ZCCHC7: variants seen among roughly 807,000 people sequenced by gnomAD.
ZCCHC7 encodes the protein zinc finger CCHC domain-containing protein 7.
ZCCHC7 carries 35 observed loss-of-function variants against 52.0 expected under a neutral mutation model. That is an observed-to-expected ratio of 0.67 (90% CI 0.51 to 0.89). ZCCHC7 has a LOEUF of 0.89. Ranked by LOEUF, ZCCHC7 falls within the 40% of genes least tolerant of loss-of-function variation. The pLI, the probability that ZCCHC7 is intolerant of heterozygous loss-of-function variation, is 0.00. For missense variants in ZCCHC7, 574 were observed against 649.1 expected, an observed-to-expected ratio of 0.88 and a Z score of 1.26; for synonymous variants, 217 against 221.5, an observed-to-expected ratio of 0.98 and a Z score of 0.18.
chr9:37,221,795 G>T (rs1176829805), intron 2 of ZCCHC7, among the ~76,000 whole-genome samples: 3 of 152,046 alleles, frequency 2.0e-5, no homozygotes, highest in African/African-American at 7.2e-5. Context: ...TGATCTTAGT[G>T]GATTTTTTAA....
chr9:37,155,635 T>C (rs1820776328), intron 2 of ZCCHC7, among the ~76,000 whole-genome samples: 1 of 152,248 alleles, frequency 6.6e-6, no homozygotes, highest in Non-Finnish European at 1.5e-5. Context: ...ATTGGTGTTC[T>C]GAGAAATTGA....
At chr9:37,317,236 G>A (rs1425295305) in intron 5 of ZCCHC7, among the ~76,000 whole-genome samples, 1 of 152,156 alleles carries the variant, frequency 6.6e-6, no homozygotes, top group African/African-American at 2.4e-5. Flanking sequence ...ACTAAATGCT[G>A]AAAAGTAATG....
chr9:37,222,376 TG>T (rs1588505624), intron 2 of ZCCHC7, among the ~76,000 whole-genome samples: 4 of 139,448 alleles, frequency 2.9e-5, no homozygotes, highest in South Asian at 2.3e-4. Flanking sequence ...TGTGTGTGTG[TG>T]TTTTCAAGTA....
rs143091748 is a variant in ZCCHC7, at chr9:37,318,410, G to A, written c.952-9389G>A. On this transcript the variant is annotated intron_variant, in intron 5 of 8. Coordinates refer to ENST00000336755, the MANE Select transcript of ZCCHC7 (RefSeq NM_032226.3). ...TGGGAGGCAGAGGTTGCAGTGAGCC[G>A]CGATTGCACCATTGCACTCTAGCCT... Among the ~76,000 whole-genome samples, 972 of 151,540 alleles carry A rather than the reference G, an allele frequency of 6.4e-3. 4 individuals carry two copies. Among genetic ancestry groups the A allele is most frequent in the African/African-American group, 0.022 (897 of 41,262 alleles).
chr9:37,327,807 A>T lies in ZCCHC7; in HGVS notation c.960A>T (p.Thr320=). The T allele has an allele frequency of 2.5e-6, 4 of 1,613,188 alleles. No individual in the cohort carries two copies. The highest frequency in any genetic ancestry group is 3.4e-6 in the Non-Finnish European group (4 of 1,179,356). The part of the protein sequence containing the change: ...HMLGHYTDAC[T]EIWRQYHLTT... ...ATATTTTTATTTTCCAGGCTTGCAC[A>T]GAAATCTGGAGGCAGTATCACCTAA... Residue 320 remains threonine, a synonymous_variant, in exon 6 of 9, where the codon ACA becomes ACT. Transcript: ENST00000336755.
At chr9:37,138,891 T>G (rs1843105042) in intron 2 of ZCCHC7, among the ~76,000 whole-genome samples, 1 of 151,954 alleles carries the variant, frequency 6.6e-6, no homozygotes, top group Admixed American at 6.6e-5. Context: ...ATAAGTATGA[T>G]TTATATAGAC....
At chr9:37,229,221 C>G (rs143069871) in intron 2 of ZCCHC7, among the ~76,000 whole-genome samples, 1 of 152,038 alleles carries the variant, frequency 6.6e-6, no homozygotes, top group Non-Finnish European at 1.5e-5. Flanking sequence ...AAAAAGCCAA[C>G]AACAGGGGAG....
chr9:37,350,431 C>G (rs191430360), intron 7 of ZCCHC7, among the ~76,000 whole-genome samples: 6 of 152,206 alleles, frequency 3.9e-5, no homozygotes, highest in African/African-American at 1.4e-4. Flanking sequence ...TGCGCCCGGC[C>G]CAATTTTAGA....
At position 37,287,282 on chromosome 9, in the gene ZCCHC7, TA is replaced by T. The variant is rs548736009; in HGVS notation, c.611-14902del. ...ATATTTTCTTTGAGGTGTCATACAT[TA>T]AAATCAATTTCTTCAAAAATCAGGA... On this transcript the variant is annotated intron_variant, in intron 2 of 8. Coordinates refer to ENST00000336755, the MANE Select transcript of ZCCHC7 (RefSeq NM_032226.3). 1.3e-4 allele frequency among the ~76,000 whole-genome samples: 20 copies of T among 151,782 alleles called. No individual in the cohort carries two copies. In the South Asian group the frequency reaches 4.2e-3, roughly 32 times the overall value.
intron 2 of ZCCHC7, among the ~76,000 whole-genome samples, chr9:37,208,197 A>G (rs776963272): frequency 6.6e-6 from 1 of 152,032 alleles, no homozygotes; most frequent in Non-Finnish European, 1.5e-5. Context: ...TGATCCTCCC[A>G]CCTCATCCCC....
intron 2 of ZCCHC7, among the ~76,000 whole-genome samples, chr9:37,216,328 ATTATT>A (rs1234532988): frequency 2.0e-5 from 3 of 152,320 alleles, no homozygotes; most frequent in African/African-American, 7.2e-5. Context: ...ATTGTGAGAC[ATTATT>A]TTATTTATAC....
chr9:37,198,371 T>G (rs1270021093), intron 2 of ZCCHC7, among the ~76,000 whole-genome samples: 3 of 152,244 alleles, frequency 2.0e-5, no homozygotes, highest in South Asian at 2.1e-4. Flanking sequence ...AAAAAAGTTT[T>G]AATGGTAATT....
intron 6 of ZCCHC7, among the ~76,000 whole-genome samples, chr9:37,331,225 G>A (rs909954012): frequency 1.3e-5 from 2 of 151,428 alleles, no homozygotes; most frequent in African/African-American, 4.8e-5. Flanking sequence ...TTTGTTATCC[G>A]GGAAATGGGG....
At chr9:37,265,873 A>G (rs1827082357) in intron 2 of ZCCHC7, among the ~76,000 whole-genome samples, 1 of 152,040 alleles carries the variant, frequency 6.6e-6, no homozygotes, top group Non-Finnish European at 1.5e-5. Context: ...ACTCCTTCAC[A>G]TGAGCCAAAC....
rs868223888 is a variant in ZCCHC7 at position 37,325,411 on chromosome 9, T to A, written c.952-2388T>A. Among the ~76,000 whole-genome samples the A allele has an allele frequency of 1.3e-4, 20 of 152,348 alleles. 1 individual carries two copies. The highest frequency in any genetic ancestry group is 1.0e-3 in the South Asian group (5 of 4,828). On this transcript the variant is annotated intron_variant, in intron 5 of 8. Coordinates refer to ENST00000336755, the MANE Select transcript of ZCCHC7 (RefSeq NM_032226.3). The stretch of plus-strand genomic sequence containing the variant: ...TAGTAATTCATTTTAAGTATTTTTT[T>A]AATTAGACCAAAGTTAGTTGTAATA...
chr9:37,158,685 T>G (rs1230298740), intron 2 of ZCCHC7, among the ~76,000 whole-genome samples: 2 of 152,134 alleles, frequency 1.3e-5, no homozygotes, highest in Admixed American at 1.3e-4. Context: ...CAAAGATATG[T>G]GTATTATATA....
chr9:37,199,637 T>G (rs2133152050), intron 2 of ZCCHC7, among the ~76,000 whole-genome samples: 1 of 149,672 alleles, frequency 6.7e-6, no homozygotes, highest in Non-Finnish European at 1.5e-5. Flanking sequence ...CCAGCCCTAC[T>G]GTTTCTTTTT....
In ZCCHC7 at chr9:37,264,441, G is replaced by A. The variant is rs191580941; in HGVS notation, c.611-37747G>A. On this transcript the variant is annotated intron_variant, in intron 2 of 8. Coordinates refer to ENST00000336755, the MANE Select transcript of ZCCHC7 (RefSeq NM_032226.3). ...TAATGTATCAAACCTGTGTACTGATGAAGATATTTTAAATAGTCTTTTTTT... is the reference window on the plus strand; with the variant it reads ...TAATGTATCAAACCTGTGTACTGATAAAGATATTTTAAATAGTCTTTTTTT... Among the ~76,000 whole-genome samples the A allele has an allele frequency of 2.3e-3, 327 of 141,758 alleles. 1 individual carries two copies. Among genetic ancestry groups the A allele is most frequent in the Admixed American group, 6.0e-3 (85 of 14,264 alleles). The allele number at this position is 141,758 out of a possible 152,430, so 93.0% of individuals were successfully genotyped here.
intron 2 of ZCCHC7, among the ~76,000 whole-genome samples, chr9:37,292,378 A>G (rs186745685): frequency 6.6e-6 from 1 of 152,344 alleles, no homozygotes; most frequent in East Asian, 1.9e-4. Context: ...CTGGTAGGGT[A>G]GTAGGTAGAC....
Sources: gnomAD v4.1 joint callset for allele counts (sites outside exome capture counted in the v4.1 genomes callset) on GRCh38, gnomAD v4.1.1 for gene constraint, MANE v1.5 for transcripts, NCBI Gene and HGNC (gene_info 2026-07-23, HGNC 2026-07-21) for gene names.